VPS13B: variants seen among roughly 807,000 people sequenced by gnomAD.
VPS13B encodes the protein vacuolar protein sorting 13 homolog B, also known as intermembrane lipid transfer protein VPS13B.
VPS13B carries 285 observed loss-of-function variants against 426.4 expected under a neutral mutation model. The ratio of observed to expected loss-of-function variants is 0.67; its 90% CI spans 0.61 to 0.74. The LOEUF is 0.74. Among genes scored for constraint, VPS13B ranks in the 30% least tolerant of loss-of-function variants. The probability of loss-of-function intolerance (pLI) is 0.00; values close to 1 mark genes in which losing one functional copy is unlikely to be tolerated. For synonymous variants in VPS13B, 1,676 were observed against 1,676.4 expected (o/e 1.00, Z 0.01); for missense variants, 4,537 against 4,782.6 (o/e 0.95, Z 1.51).
chr8:99,640,046 GAAGAGAAAAGAAAAGAAAAGAAAAGAAA>G lies in VPS13B; in HGVS notation c.5221-1763_5221-1736del, dbSNP rs1829269301. Among the ~76,000 whole-genome samples, 7 of 72,780 alleles carry G rather than the reference GAAGAGAAAAGAAAAGAAAAGAAAAGAAA, an allele frequency of 9.6e-5. No individual in the cohort carries two copies. The South Asian group carries it at 1.4e-3, about 14-fold the overall frequency. 47.7% of individuals were successfully genotyped at this position (72,780 alleles called of 152,430 possible). On this transcript the variant is annotated intron_variant, in intron 33 of 61. Transcript: ENST00000357162. Reference sequence around the variant, plus strand: ...ATAATAAGAAGAAGAAGAAGAAGAAGAAGAGAAAAGAAAAGAAAAGAAAAGAAAAGAAAAGAAAAGAAAAGAAAAGAAA... The same window carrying G: ...ATAATAAGAAGAAGAAGAAGAAGAAGAGAAAAGAAAAGAAAAGAAAAGAAA...
chr8:99,249,360 A>C (rs532032988), intron 17 of VPS13B, among the ~76,000 whole-genome samples: 3 of 151,418 alleles, frequency 2.0e-5, no homozygotes, highest in Non-Finnish European at 4.4e-5. Flanking sequence ...TTGTGTGAAC[A>C]TGCATTTTCG....
intron 17 of VPS13B, among the ~76,000 whole-genome samples, chr8:99,215,163 C>T (rs1815315380): frequency 6.6e-6 from 1 of 152,038 alleles, no homozygotes; most frequent in Non-Finnish European, 1.5e-5. Flanking sequence ...TGTATGTCTG[C>T]TTTTTTGGTG....
intron 7 of VPS13B, among the ~76,000 whole-genome samples, chr8:99,118,600 A>G (rs6468668): frequency 0.74 from 112,657 of 151,944 alleles, 42,415 homozygotes; most frequent in South Asian, 0.87. Context: ...AAAACTGTAG[A>G]TTTAGTTTTG....
At chr8:99,259,929 C>T (rs1384789764) in intron 17 of VPS13B, among the ~76,000 whole-genome samples, 1 of 151,954 alleles carries the variant, frequency 6.6e-6, no homozygotes, top group African/African-American at 2.4e-5. Flanking sequence ...TCAACTTCTG[C>T]AATGTCAGAT....
At chr8:99,815,323 A>G (rs1168258827) in intron 44 of VPS13B, among the ~76,000 whole-genome samples, 1 of 152,072 alleles carries the variant, frequency 6.6e-6, no homozygotes, top group Non-Finnish European at 1.5e-5. Flanking sequence ...AAAGTCTGGC[A>G]AGTTCAAGAC....
chr8:99,586,758 C>T (rs1283691819), intron 33 of VPS13B, among the ~76,000 whole-genome samples: 3 of 152,088 alleles, frequency 2.0e-5, no homozygotes, highest in East Asian at 3.9e-4. Flanking sequence ...GCCATACTGT[C>T]CAAAGTAATT....
At chr8:99,219,574 A>G (rs575311209) in intron 17 of VPS13B, among the ~76,000 whole-genome samples, 200 of 152,318 alleles carry the variant, frequency 1.3e-3, no homozygotes, top group African/African-American at 4.6e-3. Flanking sequence ...AGATGCTAGC[A>G]TCTGGCAAGA....
At chr8:99,317,240 A>G (rs866206355) in intron 19 of VPS13B, among the ~76,000 whole-genome samples, 1 of 152,148 alleles carries the variant, frequency 6.6e-6, no homozygotes, top group South Asian at 2.1e-4. Flanking sequence ...CTTTAGATAA[A>G]GTTTTTTTTT....
At position 99,340,784 on chromosome 8, in the gene VPS13B, C is replaced by A. The variant is rs538468818; in HGVS notation, c.2825-43424C>A. The A allele has an allele frequency of 1.2e-5, 4 of 340,728 alleles. No homozygotes were observed. In the South Asian group the frequency reaches 1.2e-4, roughly 10 times the overall value. The allele number at this position is 340,728 out of a possible 1,614,324, so 21.1% of individuals were successfully genotyped here. ...GGGCGAGGTGACGCCTGCTCTCAGC[C>A]AGCCTGTTGCAGTTGGTGGTGTGGC... On this transcript the variant is annotated intron_variant, in intron 19 of 61. Transcript: ENST00000357162.
rs1481251396 is a variant in VPS13B at position 99,641,834 on chromosome 8, A to G, written c.5244A>G (p.Lys1748=). ...AGATCTCTAAACAAGAACAGAAAAA[A>G]GTGGATATATTTGATGGAGGCATGG... The part of the protein sequence containing the change: ...AAEISKQEQK[K]VDIFDGGMAE... Residue 1748 remains lysine, a synonymous_variant, in exon 34 of 62, where the codon AAA becomes AAG. Transcript: ENST00000357162. 1 of 1,611,678 alleles carries G rather than the reference A, an allele frequency of 6.2e-7. No homozygotes were observed. The highest frequency in any genetic ancestry group is 1.7e-5 in the Admixed American group (1 of 59,754).
chr8:99,054,171 A>G (rs1200987767), intron 3 of VPS13B, among the ~76,000 whole-genome samples: 1 of 152,204 alleles, frequency 6.6e-6, no homozygotes, highest in Non-Finnish European at 1.5e-5. Flanking sequence ...CCCTGCTTTC[A>G]GTTCTTTTGC....
At chr8:99,483,876 G>T (rs1820169413) in intron 25 of VPS13B, among the ~76,000 whole-genome samples, 2 of 152,138 alleles carry the variant, frequency 1.3e-5, no homozygotes. Context: ...ACAAGGTATA[G>T]TGTGAATCCT....
chr8:99,620,986 CA>C (rs397892235), intron 33 of VPS13B, among the ~76,000 whole-genome samples: 1,247 of 50,874 alleles, frequency 0.025, 7 homozygotes, highest in African/African-American at 0.05. Flanking sequence ...AACTCCATCT[CA>C]AAAAAAAAAA....
At chr8:99,656,528 T>C (rs1352970019) in intron 34 of VPS13B, among the ~76,000 whole-genome samples, 1 of 152,202 alleles carries the variant, frequency 6.6e-6, no homozygotes, top group Non-Finnish European at 1.5e-5. Context: ...CCCCAGTGTG[T>C]TGACCCTGAA....
At chr8:99,035,460 A>T (rs887762989) in intron 2 of VPS13B, among the ~76,000 whole-genome samples, 1 of 152,128 alleles carries the variant, frequency 6.6e-6, no homozygotes, top group Non-Finnish European at 1.5e-5. Context: ...ATTTACCATA[A>T]TGTCCTCATG....
chr8:99,028,918 G>A (rs1364138798), intron 2 of VPS13B, among the ~76,000 whole-genome samples: 2 of 113,890 alleles, frequency 1.8e-5, no homozygotes, highest in Non-Finnish European at 3.7e-5. Context: ...GCTGCCGGGC[G>A]GAGACGCTCC....
intron 39 of VPS13B, among the ~76,000 whole-genome samples, chr8:99,747,285 CAAA>C (rs1204936696): frequency 1.3e-5 from 1 of 77,322 alleles, no homozygotes; most frequent in Non-Finnish European, 2.9e-5. Flanking sequence ...TGTTATTGTA[CAAA>C]AAAAAAAAAA....
chr8:99,150,325 C>G (rs1032016737), intron 14 of VPS13B, among the ~76,000 whole-genome samples: 32 of 152,148 alleles, frequency 2.1e-4, no homozygotes, highest in African/African-American at 7.5e-4. Context: ...CATAGCTTCC[C>G]TCTTTGTCAA....
At chr8:99,030,346 T>G (rs1842453345) in intron 2 of VPS13B, among the ~76,000 whole-genome samples, 1 of 152,026 alleles carries the variant, frequency 6.6e-6, no homozygotes. Context: ...GGAGTTTGCT[T>G]GTTCTCCCCA....
Sources: gnomAD v4.1 joint callset for allele counts (sites outside exome capture counted in the v4.1 genomes callset) on GRCh38, gnomAD v4.1.1 for gene constraint, MANE v1.5 for transcripts, NCBI Gene and HGNC (gene_info 2026-07-23, HGNC 2026-07-21) for gene names.